The following ATRNL1 variants were observed in gnomAD, a reference collection of about 807,000 sequenced individuals.
ATRNL1 encodes attractin like 1, also known as attractin-like protein 1.
ATRNL1 carries 95 observed loss-of-function variants against 182.7 expected under a neutral mutation model. That is an observed-to-expected ratio of 0.52 (90% CI 0.44 to 0.62). ATRNL1 has a LOEUF of 0.62. Among genes scored for constraint, ATRNL1 ranks in the 20% least tolerant of loss-of-function variants. ATRNL1 has a pLI of 0.00. For synonymous variants in ATRNL1, 576 were observed against 568.3 expected (o/e 1.01, Z -0.19); for missense variants, 1,471 against 1,679.5 (o/e 0.88, Z 2.17).
At chr10:115,295,601 C>T (rs1853142875) in intron 15 of ATRNL1, among the ~76,000 whole-genome samples, 1 of 152,130 alleles carries the variant, frequency 6.6e-6, no homozygotes, top group South Asian at 2.1e-4. Context: ...CATGTAGCCG[C>T]TCCTCTGGCC....
At chr10:115,528,413 A>C (rs1488966804) in intron 25 of ATRNL1, among the ~76,000 whole-genome samples, 1 of 152,088 alleles carries the variant, frequency 6.6e-6, no homozygotes, top group African/African-American at 2.4e-5. Context: ...ATTAGTGTAT[A>C]ATTGTTCATA....
chr10:115,874,147 G>A (rs1951647192), intron 28 of ATRNL1, among the ~76,000 whole-genome samples: 1 of 152,170 alleles, frequency 6.6e-6, no homozygotes, highest in Non-Finnish European at 1.5e-5. Context: ...TGCTGGAGAA[G>A]ATCTGTTGCC....
Position 115,413,332 on chromosome 10 carries a change from A to G in ATRNL1, c.3270-12918A>G, listed in dbSNP as rs192999091. Among the ~76,000 whole-genome samples the G allele has an allele frequency of 3.7e-3, 560 of 152,246 alleles. 2 individuals are homozygous for G. Among genetic ancestry groups the G allele is most frequent in the Middle Eastern group, 0.014 (4 of 294 alleles). On this transcript the variant is annotated intron_variant, in intron 20 of 28. Transcript: ENST00000355044. ...TTTCTCTTTTGTCTTTTTTAAGTGA[A>G]TTAAACGTGGAACAAATTTATCTGA... is the stretch of plus-strand genomic sequence containing the variant.
At chr10:115,870,670 T>C (rs1254256811) in intron 28 of ATRNL1, among the ~76,000 whole-genome samples, 1 of 152,212 alleles carries the variant, frequency 6.6e-6, no homozygotes, top group Non-Finnish European at 1.5e-5. Flanking sequence ...ATATCGTGCA[T>C]ATCTTTATAT....
At position 115,948,203 on chromosome 10, in the gene ATRNL1, T is replaced by C. The variant is rs1555126458; in HGVS notation, c.*3424T>C. 1 of 152,206 alleles carries C rather than the reference T, an allele frequency of 6.6e-6. No homozygotes were observed. The highest frequency in any genetic ancestry group is 1.5e-5 in the Non-Finnish European group (1 of 68,036). 9.4% of individuals were successfully genotyped at this position (152,206 alleles called of 1,614,324 possible). A position where few individuals can be genotyped will look rare whatever the true frequency, so the allele number is the denominator to read the frequency against. Reference sequence around the variant, plus strand: ...AAATCTATAGTTTTAGGAGAGTTTTTCTTAAAATTACTGACTGATGACATT... The same window carrying C: ...AAATCTATAGTTTTAGGAGAGTTTTCCTTAAAATTACTGACTGATGACATT... On this transcript the variant is annotated 3_prime_UTR_variant, in exon 29 of 29. Transcript: ENST00000355044.
intron 28 of ATRNL1, among the ~76,000 whole-genome samples, chr10:115,878,880 A>G (rs1434186222): frequency 2.0e-5 from 3 of 152,158 alleles, no homozygotes; most frequent in African/African-American, 7.2e-5. Context: ...TGATTGTTTG[A>G]TTGGAGAATT....
Position 115,340,471 on chromosome 10 carries a change from CTTTTCTT to C in ATRNL1, c.3175+6057_3175+6063del, listed in dbSNP as rs1257506691. Among the ~76,000 whole-genome samples the C allele has an allele frequency of 7.3e-4, 65 of 89,568 alleles. 2 individuals are homozygous for C. The highest frequency in any genetic ancestry group is 4.6e-3 in the East Asian group (15 of 3,260). 58.8% of individuals were successfully genotyped at this position (89,568 alleles called of 152,430 possible). A position where few individuals can be genotyped will look rare whatever the true frequency, so the allele number is the denominator to read the frequency against. ...TCTTTCTTTTTTTTTCTTTTCTTTT[CTTTTCTT>C]TTTTTTTTTTTTTGGTGTGTGTGTC... On this transcript the variant is annotated intron_variant, in intron 19 of 28. Transcript: ENST00000355044.
chr10:115,621,276 T>TATATATATATATATATATATAGAG (rs1268020830), intron 26 of ATRNL1, among the ~76,000 whole-genome samples: 1 of 47,594 alleles, frequency 2.1e-5, no homozygotes, highest in East Asian at 5.4e-4. Flanking sequence ...TATATATATA[T>TATATATATATATATATATATAGAG]AGAGAGAGAG....
At chr10:115,559,443 T>TACGCGC (rs782381060) in intron 26 of ATRNL1, among the ~76,000 whole-genome samples, 1 of 77,788 alleles carries the variant, frequency 1.3e-5, no homozygotes, top group African/African-American at 5.0e-5. Context: ...TGTGTGTGTG[T>TACGCGC]GCGCGCGCGC....
intron 10 of ATRNL1, among the ~76,000 whole-genome samples, chr10:115,263,185 A>G (rs765160314): frequency 1.1e-4 from 16 of 151,864 alleles, no homozygotes; most frequent in Non-Finnish European, 2.1e-4. Context: ...GTATCTATAA[A>G]TTTAAATGAG....
At chr10:115,887,826 T>G (rs1951985857) in intron 28 of ATRNL1, among the ~76,000 whole-genome samples, 1 of 152,100 alleles carries the variant, frequency 6.6e-6, no homozygotes, top group Non-Finnish European at 1.5e-5. Flanking sequence ...TCCTATTTTT[T>G]CACTCTCTCT....
chr10:115,110,703 A>T (rs1010610), intron 1 of ATRNL1, among the ~76,000 whole-genome samples: 6 of 151,996 alleles, frequency 3.9e-5, no homozygotes, highest in South Asian at 4.1e-4. Context: ...AGCAATACAT[A>T]GTTGAAAAAA....
chr10:115,096,933 A>G, intron 1 of ATRNL1: 3 of 486,602 alleles, frequency 6.2e-6, no homozygotes, highest in Non-Finnish European at 8.6e-6. Flanking sequence ...TAATAATCAA[A>G]GATACAGACT....
intron 27 of ATRNL1, among the ~76,000 whole-genome samples, chr10:115,839,691 T>C (rs991661189): frequency 6.6e-6 from 1 of 152,186 alleles, no homozygotes; most frequent in Non-Finnish European, 1.5e-5. Flanking sequence ...CAGGACTCTA[T>C]GCATAACTCT....
intron 21 of ATRNL1, among the ~76,000 whole-genome samples, chr10:115,444,508 T>C (rs1234990516): frequency 6.6e-6 from 1 of 152,016 alleles, no homozygotes; most frequent in Non-Finnish European, 1.5e-5. Context: ...AAAAGACAAC[T>C]TTGTTTTCTT....
intron 28 of ATRNL1, among the ~76,000 whole-genome samples, chr10:115,864,271 GAAA>G (rs527752228): frequency 1.1e-5 from 1 of 89,268 alleles, no homozygotes; most frequent in Non-Finnish European, 2.5e-5. Context: ...AGTGTCACAA[GAAA>G]AAAAAAAAAA....
intron 28 of ATRNL1, among the ~76,000 whole-genome samples, chr10:115,916,201 A>C (rs1331323626): frequency 6.6e-6 from 1 of 152,226 alleles, no homozygotes; most frequent in Non-Finnish European, 1.5e-5. Flanking sequence ...CTCATGCACC[A>C]CATATTGGAT....
chr10:115,779,821 C>T (rs1027192094), intron 27 of ATRNL1, among the ~76,000 whole-genome samples: 38 of 152,088 alleles, frequency 2.5e-4, no homozygotes, highest in Non-Finnish European at 4.3e-4. Context: ...ATAGAAAATG[C>T]CAATGTAGTC....
intron 21 of ATRNL1, among the ~76,000 whole-genome samples, chr10:115,459,977 A>C (rs1468195487): frequency 2.0e-5 from 3 of 152,076 alleles, no homozygotes; most frequent in Non-Finnish European, 4.4e-5. Context: ...TTTGAATCTC[A>C]CTCAGCTGCA....
Sources: allele counts gnomAD v4.1 joint callset (sites outside exome capture counted in the v4.1 genomes callset), GRCh38; gene constraint gnomAD v4.1.1; transcripts MANE v1.5; gene names NCBI Gene and HGNC (gene_info 2026-07-23, HGNC 2026-07-21).